Variants in ARMC2 observed in about 807,000 individuals in gnomAD.
ARMC2 encodes the protein armadillo repeat-containing protein 2.
In ARMC2, 67 loss-of-function variants were observed where a neutral mutation model predicts 90.3. The ratio of observed to expected loss-of-function variants is 0.74; its 90% CI spans 0.61 to 0.91. The LOEUF is 0.91. Among genes scored for constraint, ARMC2 ranks in the 40% least tolerant of loss-of-function variants. ARMC2 has a pLI of 0.00. For missense variants in ARMC2, 920 were observed against 1,030.9 expected (o/e 0.89, Z 1.47); for synonymous variants, 393 against 393.0 (o/e 1.00, Z 0.00).
At chr6:108,998,891 T>C in the ARMC2 span, 4 of 1,066,154 alleles carry the variant, frequency 3.8e-6, no homozygotes, top group Non-Finnish European at 5.2e-6. Context: ...TTGAAACATG[T>C]AGAACCCAGA....
At chr6:109,001,629 A>G in the ARMC2 span, 3 of 704,074 alleles carry the variant, frequency 4.3e-6, no homozygotes, top group African/African-American at 5.4e-5. Context: ...ATTTAAACTC[A>G]ACTGGTTGAA....
chr6:109,001,841 AAGG>A, the ARMC2 span, among the ~76,000 whole-genome samples: 1 of 152,186 alleles, frequency 6.6e-6, no homozygotes, highest in African/African-American at 2.4e-5. Flanking sequence ...CACTCAATTT[AAGG>A]AGAACTAAAA....
the ARMC2 span, among the ~76,000 whole-genome samples, chr6:109,038,984 G>C: frequency 6.7e-6 from 1 of 150,024 alleles, no homozygotes; most frequent in African/African-American, 2.5e-5. Flanking sequence ...AGAAAAAGAA[G>C]AAGGAGGAGG....
chr6:108,869,470 T>G lies in ARMC2; in HGVS notation c.463+475T>G, dbSNP rs568100155. Among the ~76,000 whole-genome samples the G allele has an allele frequency of 2.0e-5, 3 of 152,148 alleles. No individual in the cohort carries two copies. In the South Asian group the frequency reaches 6.2e-4, roughly 32 times the overall value. On this transcript the variant is annotated intron_variant, in intron 4 of 17. Coordinates refer to ENST00000392644, the MANE Select transcript of ARMC2 (RefSeq NM_032131.6). The stretch of plus-strand genomic sequence containing the variant: ...TTGCAGTGAGCTGAGATCGTGCCAC[T>G]GCACCCCAGCGTGGGTGACGAGCAA...
chr6:109,049,691 G>T, the ARMC2 span, among the ~76,000 whole-genome samples: 3 of 149,990 alleles, frequency 2.0e-5, no homozygotes, highest in African/African-American at 7.3e-5. Flanking sequence ...AAGGAGAGGG[G>T]ACGTATATTT....
At chr6:108,997,773 G>A in the ARMC2 span, among the ~76,000 whole-genome samples, 1 of 152,142 alleles carries the variant, frequency 6.6e-6, no homozygotes, top group Non-Finnish European at 1.5e-5. Context: ...CTGTGGTACT[G>A]CTTCTAAAAT....
At chr6:108,899,850 G>C (rs926041751) in intron 7 of ARMC2, 58 bp downstream of exon 7, 2 of 1,328,086 alleles carry the variant, frequency 1.5e-6, no homozygotes, top group Admixed American at 2.2e-5. Context: ...AAAAATACCT[G>C]TAGTTATTTA....
the ARMC2 span, among the ~76,000 whole-genome samples, chr6:109,026,157 A>G: frequency 6.6e-6 from 1 of 152,310 alleles, no homozygotes; most frequent in East Asian, 1.9e-4. Context: ...TTGAGAGAAA[A>G]TATCATTGTT....
chr6:109,005,809 A>T, the ARMC2 span, among the ~76,000 whole-genome samples: 3 of 152,216 alleles, frequency 2.0e-5, no homozygotes, highest in Non-Finnish European at 2.9e-5. Flanking sequence ...TATAATCTAT[A>T]TTATAAACTA....
chr6:109,003,156 A>C, the ARMC2 span, among the ~76,000 whole-genome samples: 1 of 151,978 alleles, frequency 6.6e-6, no homozygotes, highest in African/African-American at 2.4e-5. Flanking sequence ...AAACTAAAAT[A>C]ATATATTTCA....
chr6:108,915,128 G>T (rs1341945134), intron 10 of ARMC2, among the ~76,000 whole-genome samples: 1 of 151,766 alleles, frequency 6.6e-6, no homozygotes, highest in Admixed American at 6.6e-5. Flanking sequence ...AATTTTTTTT[G>T]TATTTTTAGT....
At chr6:109,006,008 G>C in the ARMC2 span, among the ~76,000 whole-genome samples, 2 of 152,146 alleles carry the variant, frequency 1.3e-5, 1 homozygote, top group Admixed American at 1.3e-4. Flanking sequence ...TTGCCTTTCA[G>C]TTTTCGGCTT....
intron 5 of ARMC2, among the ~76,000 whole-genome samples, chr6:108,890,005 G>A (rs1390790071): frequency 6.7e-6 from 1 of 148,624 alleles, no homozygotes; most frequent in Non-Finnish European, 1.5e-5. Flanking sequence ...CGGCTAAAAC[G>A]GTGAAACCCC....
In ARMC2 at chr6:108,956,564, G is replaced by C. The variant is rs115821465; in HGVS notation, c.1915+3213G>C. ...AAAAAAAAAAAAATTAGCTGAGTGT[G>C]GTGGGACACGCCTGTGATCTCAGCT... On this transcript the variant is annotated intron_variant, in intron 13 of 17. Coordinates refer to ENST00000392644, the MANE Select transcript of ARMC2 (RefSeq NM_032131.6). Among the ~76,000 whole-genome samples, 1,112 of 151,896 alleles carry C rather than the reference G, an allele frequency of 7.3e-3. 13 individuals carry two copies. Among genetic ancestry groups the C allele is most frequent in the African/African-American group, 0.026 (1,066 of 41,408 alleles).
rs989833021 is a variant in ARMC2, at chr6:108,907,662, A to G, written c.1024-3237A>G. 5.9e-5 allele frequency: 95 copies of G among 1,600,980 alleles called. No homozygotes were observed. In the East Asian group the frequency reaches 2.1e-3, roughly 35 times the overall value. ...TTGAGATGCTTGTAGGAAAAGGAGTAGCTGAAGAGCACGTAGCATGCCAGC... is the reference window on the plus strand; with the variant it reads ...TTGAGATGCTTGTAGGAAAAGGAGTGGCTGAAGAGCACGTAGCATGCCAGC... On this transcript the variant is annotated intron_variant, in intron 8 of 17. Coordinates refer to ENST00000392644, the MANE Select transcript of ARMC2 (RefSeq NM_032131.6).
At chr6:108,922,014 G>C (rs948889222) in intron 10 of ARMC2, among the ~76,000 whole-genome samples, 6 of 152,252 alleles carry the variant, frequency 3.9e-5, no homozygotes, top group Admixed American at 2.6e-4. Flanking sequence ...AAGCTCCTCT[G>C]ATCTGGGGCA....
chr6:108,913,696 C>T (rs910913252), intron 10 of ARMC2, among the ~76,000 whole-genome samples: 1 of 152,150 alleles, frequency 6.6e-6, no homozygotes, highest in Non-Finnish European at 1.5e-5. Context: ...TATACATATA[C>T]ATAATTTAAT....
the ARMC2 span, among the ~76,000 whole-genome samples, chr6:108,991,853 G>C: frequency 3.3e-5 from 5 of 152,216 alleles, no homozygotes; most frequent in East Asian, 9.6e-4. Flanking sequence ...TCAGAAGTAG[G>C]AATCTTTAGC....
At chr6:109,041,682 G>A in the ARMC2 span, among the ~76,000 whole-genome samples, 1 of 151,272 alleles carries the variant, frequency 6.6e-6, no homozygotes, top group Non-Finnish European at 1.5e-5. Context: ...CCACCAAACA[G>A]AGCTGTAAAA....
Sources: allele counts gnomAD v4.1 joint callset (sites outside exome capture counted in the v4.1 genomes callset), GRCh38; gene constraint gnomAD v4.1.1; transcripts MANE v1.5; gene names NCBI Gene and HGNC (gene_info 2026-07-23, HGNC 2026-07-21).